MEF2C: variants seen among roughly 807,000 people sequenced by gnomAD.
MEF2C encodes myocyte enhancer factor 2C.
MEF2C carries 6 observed loss-of-function variants against 50.5 expected under a neutral mutation model. The ratio of observed to expected loss-of-function variants is 0.12; its 90% CI spans 0.07 to 0.23. The LOEUF is 0.23. Among genes scored for constraint, MEF2C ranks in the 10% least tolerant of loss-of-function variants. The pLI is 1.00. For synonymous variants in MEF2C, 183 were observed against 228.0 expected (o/e 0.80, Z 1.78); for missense variants, 276 against 605.0 (o/e 0.46, Z 5.70).
chr5:88,894,567 A>T (rs1273940346), intron 1 of MEF2C, among the ~76,000 whole-genome samples: 1 of 152,224 alleles, frequency 6.6e-6, no homozygotes, highest in African/African-American at 2.4e-5. Context: ...CTTATCATTA[A>T]GGATGAATTT....
intron 1 of MEF2C, among the ~76,000 whole-genome samples, chr5:88,882,350 A>G (rs1390064539): frequency 6.6e-6 from 1 of 152,166 alleles, no homozygotes; most frequent in African/African-American, 2.4e-5. Context: ...TGTGTAGACT[A>G]CTATGGCAGG....
At chr5:88,723,240 T>G (rs548869490) in intron 10 of MEF2C, among the ~76,000 whole-genome samples, 16 of 152,332 alleles carry the variant, frequency 1.1e-4, no homozygotes, top group African/African-American at 3.8e-4. Flanking sequence ...AAAAAGCATT[T>G]TCTGTGTTCA....
chr5:88,740,568 C>CA, intron 6 of MEF2C: 2 of 984,414 alleles, frequency 2.0e-6, no homozygotes, highest in Non-Finnish European at 2.4e-6. Context: ...GATTTGAATC[C>CA]AAAATGCAGG....
intron 2 of MEF2C, among the ~76,000 whole-genome samples, chr5:88,820,441 C>G (rs1477227706): frequency 1.3e-5 from 2 of 151,904 alleles, no homozygotes; most frequent in African/African-American, 2.4e-5. Flanking sequence ...AGGTAAAATT[C>G]AATTTAAACA....
chr5:88,840,179 A>G (rs1209038059), intron 1 of MEF2C, among the ~76,000 whole-genome samples: 1 of 152,112 alleles, frequency 6.6e-6, no homozygotes, highest in Non-Finnish European at 1.5e-5. Flanking sequence ...CTTCCTCAGT[A>G]TCCTATTTTG....
intron 6 of MEF2C, 48 bp downstream of exon 6, chr5:88,749,019 TAGA>T: frequency 1.3e-6 from 2 of 1,552,148 alleles, no homozygotes; most frequent in East Asian, 2.4e-5. Context: ...AATCACCTAG[TAGA>T]AGAACTCAGA....
chr5:88,789,254 C>A (rs975586389), intron 3 of MEF2C, among the ~76,000 whole-genome samples: 1 of 151,778 alleles, frequency 6.6e-6, no homozygotes, highest in African/African-American at 2.4e-5. Context: ...GGAGCCTCAA[C>A]CTCTCATGCT....
intron 1 of MEF2C, among the ~76,000 whole-genome samples, chr5:88,890,619 C>T (rs2150222166): frequency 6.6e-6 from 1 of 152,208 alleles, no homozygotes; most frequent in East Asian, 1.9e-4. Context: ...TAAAGTTCTG[C>T]TGGAGAATAC....
At chr5:88,845,622 A>G (rs1047842304) in intron 1 of MEF2C, among the ~76,000 whole-genome samples, 1 of 152,218 alleles carries the variant, frequency 6.6e-6, no homozygotes, top group African/African-American at 2.4e-5. Flanking sequence ...TAAAGTAGGA[A>G]ACAAGCAATA....
intron 4 of MEF2C, among the ~76,000 whole-genome samples, chr5:88,753,544 C>A (rs977400089): frequency 1.3e-5 from 2 of 152,120 alleles, no homozygotes; most frequent in African/African-American, 4.8e-5. Flanking sequence ...CATGTGCCAC[C>A]ACGCCCAGCT....
At position 88,720,476 on chromosome 5, in the gene MEF2C, G is replaced by A. The variant is rs1755948835; in HGVS notation, c.*2128C>T. ...ATAGCCTAGTTAATAAGGTCTCTTGGCTTCTGCCACCCAGCGGCAGCCTTT... is the reference window on the plus strand; with the variant it reads ...ATAGCCTAGTTAATAAGGTCTCTTGACTTCTGCCACCCAGCGGCAGCCTTT... On this transcript the variant is annotated 3_prime_UTR_variant, in exon 11 of 11. Transcript: ENST00000504921. 1 of 152,570 alleles carries A rather than the reference G, an allele frequency of 6.6e-6. No homozygotes were observed. The highest frequency in any genetic ancestry group is 6.5e-5 in the Admixed American group (1 of 15,278). The allele number at this position is 152,570 out of a possible 1,614,324, so 9.5% of individuals were successfully genotyped here.
chr5:88,755,641 T>C (rs1191744848), intron 4 of MEF2C, among the ~76,000 whole-genome samples: 1 of 152,246 alleles, frequency 6.6e-6, no homozygotes, highest in African/African-American at 2.4e-5. Flanking sequence ...GCTTAGAGTT[T>C]GTATTTAAAG....
intron 3 of MEF2C, among the ~76,000 whole-genome samples, chr5:88,801,998 C>CCAAA (rs1798565830): frequency 6.6e-6 from 1 of 152,128 alleles, no homozygotes; most frequent in Non-Finnish European, 1.5e-5. Context: ...GTGAAGAATG[C>CCAAA]ATAATTCAGG....
intron 6 of MEF2C, chr5:88,741,873 T>C: frequency 2.0e-6 from 2 of 985,372 alleles, no homozygotes; most frequent in Non-Finnish European, 2.4e-6. Context: ...AGTGAACACT[T>C]AGCACCTTTT....
intron 9 of MEF2C, 79 bp downstream of exon 9, chr5:88,729,139 G>C: frequency 6.4e-7 from 1 of 1,550,808 alleles, no homozygotes; most frequent in Non-Finnish European, 8.8e-7. Context: ...CTTCCTAATA[G>C]AGTAAAAGAT....
rs1476760265 is a variant in MEF2C at position 88,718,504 on chromosome 5, A to G, written c.*4100T>C. The G allele has an allele frequency of 1.3e-5, 2 of 152,210 alleles. No homozygotes were observed. Among genetic ancestry groups the G allele is most frequent in the East Asian group, 3.8e-4 (2 of 5,202 alleles). 9.4% of individuals were successfully genotyped at this position (152,210 alleles called of 1,614,324 possible). A position where few individuals can be genotyped will look rare whatever the true frequency, so the allele number is the denominator to read the frequency against. On this transcript the variant is annotated 3_prime_UTR_variant, in exon 11 of 11. Transcript: ENST00000504921. The stretch of plus-strand genomic sequence containing the variant: ...ATGCCCTCATTTACAAGCGATTTTA[A>G]TTACTCTCATTTAATGGAAACAAGT...
At chr5:88,790,783 T>C (rs967381836) in intron 3 of MEF2C, among the ~76,000 whole-genome samples, 2 of 152,194 alleles carry the variant, frequency 1.3e-5, no homozygotes, top group African/African-American at 4.8e-5. Context: ...TTGATATATA[T>C]TGAATGTCCA....
At chr5:88,878,737 GAC>G (rs1561462137) in intron 1 of MEF2C, among the ~76,000 whole-genome samples, 1 of 151,800 alleles carries the variant, frequency 6.6e-6, no homozygotes, top group Non-Finnish European at 1.5e-5. Context: ...CAAGTGTAAA[GAC>G]ACAGCAGGAA....
At chr5:88,731,046 G>A (rs1208489617) in intron 7 of MEF2C, among the ~76,000 whole-genome samples, 1 of 152,136 alleles carries the variant, frequency 6.6e-6, no homozygotes, top group African/African-American at 2.4e-5. Context: ...AGGGTCTGGG[G>A]ATATAACCTC....
Sources: gnomAD v4.1 joint callset for allele counts (sites outside exome capture counted in the v4.1 genomes callset) on GRCh38, gnomAD v4.1.1 for gene constraint, MANE v1.5 for transcripts, NCBI Gene and HGNC (gene_info 2026-07-23, HGNC 2026-07-21) for gene names.